Variants in TET1 observed in about 807,000 individuals in gnomAD.
TET1 encodes tet methylcytosine dioxygenase 1.
A neutral mutation model predicts 148.7 loss-of-function variants in TET1; 13 were observed. That is an observed-to-expected ratio of 0.09 (90% CI 0.06 to 0.14). The LOEUF (loss-of-function observed/expected upper bound fraction) is 0.14, where lower values mean the gene tolerates loss of function less well. TET1 is among the 10% of genes least tolerant of loss of function. The probability of loss-of-function intolerance (pLI) is 1.00; values close to 1 mark genes in which losing one functional copy is unlikely to be tolerated. For synonymous variants in TET1, 907 were observed against 937.2 expected (o/e 0.97, Z 0.59); for missense variants, 2,182 against 2,553.8 (o/e 0.85, Z 3.14).
intron 3 of TET1, among the ~76,000 whole-genome samples, chr10:68,637,229 C>T (rs2054666554): frequency 6.6e-6 from 1 of 152,032 alleles, no homozygotes; most frequent in Admixed American, 6.6e-5. Flanking sequence ...GAACTCCTGA[C>T]CTCTGGTGAT....
intron 6 of TET1, among the ~76,000 whole-genome samples, chr10:68,659,146 T>C (rs2055068188): frequency 6.6e-6 from 1 of 152,046 alleles, no homozygotes; most frequent in South Asian, 2.1e-4. Context: ...AGTATAACTC[T>C]TTGTATACTT....
At chr10:68,676,635 G>A (rs1418647274) in intron 8 of TET1, among the ~76,000 whole-genome samples, 3 of 151,274 alleles carry the variant, frequency 2.0e-5, no homozygotes, top group Non-Finnish European at 4.4e-5. Context: ...GGCTGGTCTC[G>A]AACTCCTGAC....
intron 3 of TET1, among the ~76,000 whole-genome samples, chr10:68,628,359 C>G (rs375706130): frequency 6.6e-6 from 1 of 152,164 alleles, no homozygotes; most frequent in Non-Finnish European, 1.5e-5. Context: ...TAGAAGGTGT[C>G]GTCGTTAAGT....
In TET1 at chr10:68,672,992, G is replaced by A; in HGVS notation, c.4771G>A (p.Gly1591Ser). 6.2e-7 allele frequency: 1 copy of A among 1,612,282 alleles called. No individual in the cohort carries two copies. The highest frequency in any genetic ancestry group is 8.5e-7 in the Non-Finnish European group (1 of 1,178,754). ...TATGTACTTTAATGGCTGTAAGTTT[G>A]GTAGAAGCCCAAGCCCCAGAAGATT... ...WSMYFNGCKFGRSPSPRRFRI... is the reference protein window; with the variant it reads ...WSMYFNGCKFSRSPSPRRFRI... The change falls in exon 8 of 12, where the codon GGT (glycine) becomes AGT (serine). Residue 1591 changes from glycine (G) to serine (S), a missense_variant. Coordinates refer to ENST00000373644, the MANE Select transcript of TET1 (RefSeq NM_030625.3).
chr10:68,657,020 G>A (rs1301734739), intron 6 of TET1, among the ~76,000 whole-genome samples: 12 of 125,002 alleles, frequency 9.6e-5, no homozygotes, highest in Non-Finnish European at 1.9e-4. Flanking sequence ...CCAGAGTCTA[G>A]CTCCAAAAAA....
At chr10:68,610,342 T>C (rs899143117) in intron 3 of TET1, among the ~76,000 whole-genome samples, 3 of 150,952 alleles carry the variant, frequency 2.0e-5, no homozygotes, top group African/African-American at 7.3e-5. Flanking sequence ...CCCAGTACTT[T>C]GTGAGGCCGA....
chr10:68,609,153 A>G (rs538676920), intron 3 of TET1, among the ~76,000 whole-genome samples: 2 of 151,964 alleles, frequency 1.3e-5, no homozygotes, highest in East Asian at 3.9e-4. Context: ...GTGTGCCACC[A>G]AGCCTGACTA....
chr10:68,644,865 A>T lies in TET1; in HGVS notation c.2136A>T (p.Gln712His), dbSNP rs1353755064. 1.9e-6 allele frequency: 3 copies of T among 1,613,748 alleles called. No individual in the cohort carries two copies. Among genetic ancestry groups the T allele is most frequent in the Middle Eastern group, 3.3e-4 (2 of 6,062 alleles). ...MTGIEVEKWT[Q>H]NKKSQLTDHV... ...GCATCGAGGTGGAGAAGTGGACACA[A>T]AACAAGAAATCACAGTTAACTGATC... is the stretch of plus-strand genomic sequence containing the variant. Residue 712 changes from glutamine (Q) to histidine (H), a missense_variant, in exon 4 of 12, where the codon CAA (glutamine) becomes CAT (histidine). Physicochemically the swap from Gln to His is conservative, Grantham distance 24 (BLOSUM62 0). Around this residue, in one of 11 missense-constraint regions of TET1, gnomAD observed 226 missense variants for 307.4 expected, o/e 0.74. Coordinates refer to ENST00000373644, the MANE Select transcript of TET1 (RefSeq NM_030625.3).
intron 8 of TET1, among the ~76,000 whole-genome samples, chr10:68,676,310 G>T (rs1276352882): frequency 1.9e-5 from 2 of 107,990 alleles, no homozygotes; most frequent in Non-Finnish European, 3.4e-5. Flanking sequence ...CTGAGACGGA[G>T]TCTTGCTCTG....
At chr10:68,624,632 CTTTCTTTCTTTCTT>C (rs1368251258) in intron 3 of TET1, among the ~76,000 whole-genome samples, 14 of 41,978 alleles carry the variant, frequency 3.3e-4, no homozygotes, top group African/African-American at 2.2e-3. Context: ...TTCTTTCTTT[CTTTCTTTCTTTCTT>C]TCTTTCTTTC....
rs566751115 is a variant in TET1, at chr10:68,568,217, CTTTTT to C, written c.-122-3982_-122-3978del. ...ACAGGTGTGAGCCACCGCGCCCAGTCTTTTTTTTTTTTTTTTTTTTTTGAGATGGC... is the reference window on the plus strand; with the variant it reads ...ACAGGTGTGAGCCACCGCGCCCAGTCTTTTTTTTTTTTTTTTTGAGATGGC... On this transcript the variant is annotated intron_variant, in intron 1 of 11. Transcript: ENST00000373644. Among the ~76,000 whole-genome samples the C allele has an allele frequency of 4.3e-3, 399 of 93,802 alleles. 5 individuals carry two copies. Among genetic ancestry groups the C allele is most frequent in the African/African-American group, 0.016 (377 of 24,124 alleles). 61.5% of individuals were successfully genotyped at this position (93,802 alleles called of 152,430 possible).
Position 68,593,093 on chromosome 10 carries a change from G to A in TET1, c.1915-7888G>A, listed in dbSNP as rs532425227. ...AATATACAAAAAAAATTACCTGGGCGTGGTGGCATGCACTTGTAGTCCTAG... is the reference window on the plus strand; with the variant it reads ...AATATACAAAAAAAATTACCTGGGCATGGTGGCATGCACTTGTAGTCCTAG... On this transcript the variant is annotated intron_variant, in intron 2 of 11. Transcript: ENST00000373644. Among the ~76,000 whole-genome samples the A allele has an allele frequency of 7.2e-5, 11 of 152,026 alleles. No individual in the cohort carries two copies. In the South Asian group the frequency reaches 1.5e-3, roughly 20 times the overall value.
At chr10:68,584,866 T>G (rs7917885) in intron 2 of TET1, among the ~76,000 whole-genome samples, 74,023 of 150,706 alleles carry the variant, frequency 0.49, 18,739 homozygotes, top group East Asian at 0.56. Flanking sequence ...TGTTGCCCAG[T>G]CTGGAGTGCA....
intron 3 of TET1, among the ~76,000 whole-genome samples, chr10:68,628,622 A>T (rs7917467): frequency 0.16 from 24,168 of 152,122 alleles, 2,087 homozygotes; most frequent in South Asian, 0.24. Flanking sequence ...GTTTTATCTA[A>T]CTGAAGCTGG....
intron 2 of TET1, among the ~76,000 whole-genome samples, chr10:68,596,015 C>CATATATATAT (rs1327782857): frequency 9.3e-6 from 1 of 107,900 alleles, no homozygotes; most frequent in African/African-American, 3.9e-5. Flanking sequence ...CACACACACA[C>CATATATATAT]ACACACACAC....
intron 2 of TET1, among the ~76,000 whole-genome samples, chr10:68,590,385 G>A (rs2053905969): frequency 6.6e-6 from 1 of 151,998 alleles, no homozygotes; most frequent in South Asian, 2.1e-4. Context: ...TCCTGCCTTG[G>A]CTTCCCAAAT....
chr10:68,606,616 A>C (rs1185247129), intron 3 of TET1, among the ~76,000 whole-genome samples: 3 of 152,128 alleles, frequency 2.0e-5, no homozygotes, highest in Non-Finnish European at 2.9e-5. Context: ...CAAAAAAAAA[A>C]ACACATGTCA....
intron 3 of TET1, among the ~76,000 whole-genome samples, chr10:68,637,010 A>T (rs868004417): frequency 3.2e-4 from 35 of 109,044 alleles, no homozygotes; most frequent in African/African-American, 1.1e-3. Flanking sequence ...TGTGTGTGTG[A>T]GTGTGTGTGA....
intron 7 of TET1, 74 bp downstream of exon 7, chr10:68,667,330 C>T (rs530086230): frequency 8.2e-7 from 1 of 1,226,172 alleles, no homozygotes; most frequent in Admixed American, 2.3e-5. Flanking sequence ...TAATTAGCTA[C>T]CAACTATGTA....
Sources: gnomAD v4.1 joint callset for allele counts (sites outside exome capture counted in the v4.1 genomes callset) on GRCh38, gnomAD v4.1.1 for gene constraint, gnomAD v4.1.1 regional missense constraint, MANE v1.5 for transcripts, NCBI Gene and HGNC (gene_info 2026-07-23, HGNC 2026-07-21) for gene names.